CYRIB: variants seen among roughly 807,000 people sequenced by gnomAD.
CYRIB encodes the protein CYFIP related Rac1 interactor B.
CYRIB carries 8 observed loss-of-function variants against 44.2 expected under a neutral mutation model. The observed-to-expected ratio is 0.18, with a 90% CI of 0.11 to 0.33. The LOEUF (loss-of-function observed/expected upper bound fraction) is 0.33, where lower values mean the gene tolerates loss of function less well. CYRIB is among the 10% of genes least tolerant of loss of function. CYRIB has a pLI of 1.00. For missense variants in CYRIB, 185 were observed against 382.8 expected (o/e 0.48, Z 4.31); for synonymous variants, 131 against 127.2 (o/e 1.03, Z -0.20).
At chr8:129,984,577 C>T (rs896436547) in intron 1 of CYRIB, among the ~76,000 whole-genome samples, 4 of 152,118 alleles carry the variant, frequency 2.6e-5, no homozygotes, top group African/African-American at 7.2e-5. Context: ...CCCCAGGATG[C>T]GGCCACTGCC....
At chr8:129,942,251 A>C (rs892974409), upstream of CYRIB, among the ~76,000 whole-genome samples, 1 of 152,200 alleles carries the variant, frequency 6.6e-6, no homozygotes, top group African/African-American at 2.4e-5. Flanking sequence ...AGGCAGGAGA[A>C]TCGCTTGAAC....
intron 2 of CYRIB, among the ~76,000 whole-genome samples, chr8:129,890,157 T>G (rs772177093): frequency 1.3e-5 from 2 of 152,248 alleles, no homozygotes; most frequent in Non-Finnish European, 2.9e-5. Context: ...ACACAGCTGA[T>G]AAGCACTGGC....
rs2095746449 is a variant in CYRIB at position 129,972,554 on chromosome 8, G to A, written c.-295-1559C>T. On this transcript the variant is annotated intron_variant, in intron 1 of 14. Coordinates refer to the CYRIB transcript ENST00000401979. ...ATGTGCACTGTGCTCCAGCCTGGGT[G>A]ACAGAGCAACCCGTCTCCAAAGAAA... Among the ~76,000 whole-genome samples the A allele has an allele frequency of 3.9e-5, 6 of 152,082 alleles. No homozygotes were observed. In the South Asian group the frequency reaches 1.2e-3, roughly 31 times the overall value.
chr8:129,923,980 A>C (rs1211295212), intron 1 of CYRIB, among the ~76,000 whole-genome samples: 3 of 150,500 alleles, frequency 2.0e-5, no homozygotes, highest in African/African-American at 7.4e-5. Context: ...AATTTCAAAC[A>C]CTGGTTTAGG....
At chr8:129,978,858 G>A (rs866877178) in intron 1 of CYRIB, among the ~76,000 whole-genome samples, 10 of 152,258 alleles carry the variant, frequency 6.6e-5, no homozygotes, top group Admixed American at 2.0e-4. Context: ...AATGTTGGCC[G>A]GGTGCGGTGG....
chr8:129,868,806 A>G (rs2055297124), intron 4 of CYRIB: 1 of 151,766 alleles, frequency 6.6e-6, no homozygotes, highest in Admixed American at 6.6e-5. Flanking sequence ...AACAGACTTT[A>G]GAGAAAACAC....
intron 2 of CYRIB, among the ~76,000 whole-genome samples, chr8:129,953,379 C>G (rs2094602562): frequency 1.3e-5 from 2 of 152,150 alleles, no homozygotes; most frequent in South Asian, 4.1e-4. Flanking sequence ...CCAACTTGTA[C>G]TTGAGATCAC....
intron 2 of CYRIB, among the ~76,000 whole-genome samples, chr8:129,899,374 C>A (rs1370645447): frequency 6.6e-6 from 1 of 151,962 alleles, no homozygotes; most frequent in Non-Finnish European, 1.5e-5. Flanking sequence ...TAGGAAGAAA[C>A]CTATGTTTTC....
intron 1 of CYRIB, among the ~76,000 whole-genome samples, chr8:129,988,163 C>T (rs2096532129): frequency 6.6e-6 from 1 of 152,188 alleles, no homozygotes; most frequent in Admixed American, 6.5e-5. Context: ...CAGGAAGTCT[C>T]CTAGTCGTAC....
chr8:129,913,453 C>T (rs986446780), intron 1 of CYRIB, among the ~76,000 whole-genome samples: 7 of 152,162 alleles, frequency 4.6e-5, no homozygotes, highest in African/African-American at 1.7e-4. Context: ...TTAGCTAATC[C>T]TTTTTTAAGA....
chr8:129,940,256 C>T (rs1415195603), upstream of CYRIB, among the ~76,000 whole-genome samples: 1 of 152,036 alleles, frequency 6.6e-6, no homozygotes, highest in East Asian at 1.9e-4. Flanking sequence ...ATTCCCCCCA[C>T]GCCTGGAACC....
intron 2 of CYRIB, among the ~76,000 whole-genome samples, chr8:129,961,809 T>C (rs1440935158): frequency 6.6e-6 from 1 of 152,214 alleles, no homozygotes; most frequent in Non-Finnish European, 1.5e-5. Context: ...CTAAATCAAA[T>C]ACCAGGCAAT....
intron 11 of CYRIB, among the ~76,000 whole-genome samples, chr8:129,843,292 G>C (rs2037612554): frequency 6.6e-6 from 1 of 152,242 alleles, no homozygotes; most frequent in Non-Finnish European, 1.5e-5. Context: ...GTAAAAGCCA[G>C]TGGAGCATAT....
At chr8:129,862,672 A>C (rs898961024) in intron 4 of CYRIB, among the ~76,000 whole-genome samples, 9 of 152,148 alleles carry the variant, frequency 5.9e-5, no homozygotes, top group Non-Finnish European at 1.0e-4. Context: ...GGGTTTCGCC[A>C]TGTTGGCCAG....
intron 4 of CYRIB, chr8:129,864,835 A>T: frequency 2.3e-6 from 1 of 438,464 alleles, no homozygotes; most frequent in Non-Finnish European, 4.5e-6. Context: ...TTCCACGTAC[A>T]CATTTTTGAG....
intron 3 of CYRIB, among the ~76,000 whole-genome samples, chr8:129,879,116 GT>G (rs1393687509): frequency 4.0e-5 from 6 of 151,770 alleles, no homozygotes; most frequent in African/African-American, 1.5e-4. Flanking sequence ...TCATAAAAAT[GT>G]TTTCATTAGA....
chr8:129,857,900 T>G (rs1464834288), intron 5 of CYRIB, among the ~76,000 whole-genome samples: 1 of 152,150 alleles, frequency 6.6e-6, no homozygotes, highest in African/African-American at 2.4e-5. Context: ...AGTCTCAGGG[T>G]TAATTTCAGC....
chr8:129,950,602 C>G (rs1033571115), intron 2 of CYRIB, among the ~76,000 whole-genome samples: 3 of 151,844 alleles, frequency 2.0e-5, no homozygotes, highest in African/African-American at 7.3e-5. Context: ...ACTAATGGTA[C>G]TCATTGTCAG....
At chr8:129,947,512 G>A (rs2094232969) in intron 2 of CYRIB, among the ~76,000 whole-genome samples, 1 of 152,162 alleles carries the variant, frequency 6.6e-6, no homozygotes. Flanking sequence ...CATGGTGCCT[G>A]GCCCCTAGGA....
Sources: gnomAD v4.1 joint callset for allele counts (sites outside exome capture counted in the v4.1 genomes callset) on GRCh38, gnomAD v4.1.1 for gene constraint, MANE v1.5 for transcripts, NCBI Gene and HGNC (gene_info 2026-07-23, HGNC 2026-07-21) for gene names.